The following CLSTN2 variants were observed in gnomAD, a reference collection of about 807,000 sequenced individuals.
CLSTN2 encodes calsyntenin-2.
A neutral mutation model predicts 101.2 loss-of-function variants in CLSTN2; 48 were observed. The ratio of observed to expected loss-of-function variants is 0.47; its 90% CI spans 0.38 to 0.60. CLSTN2 has a LOEUF of 0.60. CLSTN2 is among the 20% of genes least tolerant of loss of function. The probability of loss-of-function intolerance (pLI) is 0.00; values close to 1 mark genes in which losing one functional copy is unlikely to be tolerated. For synonymous variants in CLSTN2, 481 were observed against 463.6 expected (o/e 1.04, Z -0.48); for missense variants, 1,160 against 1,238.2 (o/e 0.94, Z 0.95).
chr3:140,279,879 A>T (rs1195582145), intron 2 of CLSTN2, among the ~76,000 whole-genome samples: 1 of 152,212 alleles, frequency 6.6e-6, no homozygotes, highest in Non-Finnish European at 1.5e-5. Flanking sequence ...ACCCATTGGC[A>T]TCCACTTGAT....
intron 1 of CLSTN2, among the ~76,000 whole-genome samples, chr3:139,946,559 A>G (rs1000617680): frequency 3.9e-5 from 6 of 152,254 alleles, no homozygotes; most frequent in African/African-American, 1.4e-4. Flanking sequence ...CTGGGAGGAG[A>G]AACAAGGATC....
chr3:140,038,685 A>C (rs1241195008), intron 1 of CLSTN2, among the ~76,000 whole-genome samples: 1 of 152,168 alleles, frequency 6.6e-6, no homozygotes, highest in South Asian at 2.1e-4. Flanking sequence ...ATTCCTCACT[A>C]TCATGAAATA....
intron 1 of CLSTN2, among the ~76,000 whole-genome samples, chr3:139,966,307 G>T (rs1935597261): frequency 6.6e-6 from 1 of 152,132 alleles, no homozygotes; most frequent in South Asian, 2.1e-4. Context: ...AGTAATTCCA[G>T]TCATATTAAG....
chr3:140,070,445 C>A (rs79646400), intron 1 of CLSTN2, among the ~76,000 whole-genome samples: 1 of 152,170 alleles, frequency 6.6e-6, no homozygotes, highest in African/African-American at 2.4e-5. Context: ...CCAAAGGGAA[C>A]AAACAATTTC....
intron 1 of CLSTN2, among the ~76,000 whole-genome samples, chr3:140,037,545 T>C (rs1212344117): frequency 1.5e-5 from 2 of 135,858 alleles, no homozygotes; most frequent in African/African-American, 6.6e-5. Flanking sequence ...TGCATTCGTC[T>C]TTTTTTTTTT....
At chr3:140,492,060 G>A (rs550717400) in intron 8 of CLSTN2, among the ~76,000 whole-genome samples, 14 of 152,162 alleles carry the variant, frequency 9.2e-5, no homozygotes, top group African/African-American at 2.9e-4. Context: ...ATAAACACAC[G>A]TAAAGGTGCT....
chr3:139,938,142 A>G, intron 1 of CLSTN2, among the ~76,000 whole-genome samples: 1 of 126,312 alleles, frequency 7.9e-6, no homozygotes, highest in African/African-American at 3.0e-5. Flanking sequence ...TCCCATCACA[A>G]AAAAAAAAAA....
intron 1 of CLSTN2, among the ~76,000 whole-genome samples, chr3:140,084,242 G>A (rs1370228261): frequency 6.6e-6 from 1 of 152,138 alleles, no homozygotes; most frequent in Non-Finnish European, 1.5e-5. Context: ...ACTACCCTGT[G>A]GTGGTGACCA....
At chr3:140,379,438 G>A (rs1256155070) in intron 2 of CLSTN2, among the ~76,000 whole-genome samples, 1 of 152,200 alleles carries the variant, frequency 6.6e-6, no homozygotes, top group Non-Finnish European at 1.5e-5. Flanking sequence ...GAGACATTCT[G>A]TGGATTGTAG....
At chr3:139,969,490 G>A (rs568234377) in intron 1 of CLSTN2, among the ~76,000 whole-genome samples, 1 of 152,298 alleles carries the variant, frequency 6.6e-6, no homozygotes, top group African/African-American at 2.4e-5. Context: ...GTCACTGCCA[G>A]TTGGAGAGTC....
intron 1 of CLSTN2, among the ~76,000 whole-genome samples, chr3:140,126,786 C>T (rs1262843085): frequency 2.0e-5 from 3 of 152,070 alleles, no homozygotes; most frequent in African/African-American, 7.2e-5. Flanking sequence ...CACTGAGAGC[C>T]TGAATTGTGC....
chr3:140,239,647 T>C (rs1267718762), intron 2 of CLSTN2, among the ~76,000 whole-genome samples: 1 of 152,154 alleles, frequency 6.6e-6, no homozygotes, highest in East Asian at 1.9e-4. Flanking sequence ...GTAAGGGCAT[T>C]GCTAATGCAG....
intron 1 of CLSTN2, among the ~76,000 whole-genome samples, chr3:140,129,260 A>G (rs1459458460): frequency 2.0e-5 from 3 of 152,128 alleles, no homozygotes; most frequent in Non-Finnish European, 4.4e-5. Flanking sequence ...ATACTCTTTC[A>G]TGAAAATACA....
intron 2 of CLSTN2, among the ~76,000 whole-genome samples, chr3:140,232,682 C>T (rs749521689): frequency 1.3e-5 from 2 of 152,180 alleles, no homozygotes; most frequent in Admixed American, 1.3e-4. Flanking sequence ...GAACTTATTA[C>T]TTGTCCTCCA....
At chr3:140,450,727 T>TACACAC in intron 6 of CLSTN2, among the ~76,000 whole-genome samples, 1 of 151,284 alleles carries the variant, frequency 6.6e-6, no homozygotes, top group South Asian at 2.1e-4. Flanking sequence ...CACAAGCACA[T>TACACAC]ACACACACAT....
intron 1 of CLSTN2, among the ~76,000 whole-genome samples, chr3:139,965,118 T>C (rs1576378796): frequency 6.6e-6 from 1 of 152,220 alleles, no homozygotes; most frequent in Non-Finnish European, 1.5e-5. Flanking sequence ...CATGGTGTTA[T>C]TTGGTGAAGA....
At chr3:140,357,171 T>C (rs1163186824) in intron 2 of CLSTN2, among the ~76,000 whole-genome samples, 1 of 152,212 alleles carries the variant, frequency 6.6e-6, no homozygotes, top group Non-Finnish European at 1.5e-5. Context: ...AAGCTCCTAG[T>C]GAAGGGTCGG....
intron 2 of CLSTN2, among the ~76,000 whole-genome samples, chr3:140,321,496 A>T (rs2087282525): frequency 6.6e-6 from 1 of 152,098 alleles, no homozygotes; most frequent in South Asian, 2.1e-4. Context: ...GTGTGGATTC[A>T]TGCTCAGGTC....
At chr3:140,033,961 A>G (rs771167690) in intron 1 of CLSTN2, among the ~76,000 whole-genome samples, 1 of 152,242 alleles carries the variant, frequency 6.6e-6, no homozygotes, top group Admixed American at 6.5e-5. Flanking sequence ...TTAGCCTTTA[A>G]CAGCCTGAAA....
Sources: gnomAD v4.1 joint callset for allele counts (sites outside exome capture counted in the v4.1 genomes callset) on GRCh38, gnomAD v4.1.1 for gene constraint, MANE v1.5 for transcripts, NCBI Gene and HGNC (gene_info 2026-07-23, HGNC 2026-07-21) for gene names.